PHTF1: variants seen among roughly 807,000 people sequenced by gnomAD.
PHTF1 encodes the protein putative homeodomain transcription factor 1.
PHTF1 carries 88 observed loss-of-function variants against 102.4 expected under a neutral mutation model. The ratio of observed to expected loss-of-function variants is 0.86; its 90% CI spans 0.72 to 1.03. The LOEUF is 1.03. Among genes scored for constraint, PHTF1 ranks in the 50% least tolerant of loss-of-function variants. The pLI, the probability that PHTF1 is intolerant of heterozygous loss-of-function variation, is 0.00. For missense variants in PHTF1, 814 were observed against 909.5 expected (o/e 0.89, Z 1.35); for synonymous variants, 289 against 305.2 (o/e 0.95, Z 0.55).
At chr1:113,698,616 TATATACACACACACACAC>T (rs1429569732) in intron 17 of PHTF1, among the ~76,000 whole-genome samples, 14 of 114,120 alleles carry the variant, frequency 1.2e-4, no homozygotes, top group South Asian at 7.9e-4. Flanking sequence ...TTTATATATA[TATATACACACACACACAC>T]ACACACACAC....
intron 5 of PHTF1, among the ~76,000 whole-genome samples, chr1:113,735,414 T>A (rs1655340028): frequency 1.4e-5 from 2 of 143,412 alleles, no homozygotes; most frequent in African/African-American, 5.2e-5. Flanking sequence ...TACAAAGATG[T>A]TTATGATAAA....
rs781593702 is a variant in PHTF1, at chr1:113,710,315, G to A, written c.1208C>T (p.Ala403Val). The A allele has an allele frequency of 5.6e-6, 9 of 1,613,996 alleles. No homozygotes were observed. The highest frequency in any genetic ancestry group is 7.6e-6 in the Non-Finnish European group (9 of 1,180,004). ...CCCTGAGTGAAGGGTATTCACATGG[G>A]CCCCCTCACTGTCACTGGTGACAGA... ...RSSVTSDSEG[A>V]HVNTLHSGTK... Residue 403 changes from alanine to valine, a missense_variant, in exon 11 of 19, where the codon GCC (alanine) becomes GTC (valine). Ala to Val is a moderately conservative substitution (Grantham distance 64). Coordinates refer to ENST00000369604, the MANE Select transcript of PHTF1 (RefSeq NM_001323043.2).
At chr1:113,737,817 C>T (rs759301604) in intron 5 of PHTF1, among the ~76,000 whole-genome samples, 2 of 152,050 alleles carry the variant, frequency 1.3e-5, no homozygotes, top group African/African-American at 4.8e-5. Context: ...AAACAAAAAA[C>T]ACACATACCC....
At chr1:113,742,529 C>T (rs754711207) in intron 3 of PHTF1, among the ~76,000 whole-genome samples, 1 of 151,934 alleles carries the variant, frequency 6.6e-6, no homozygotes, top group Non-Finnish European at 1.5e-5. Context: ...GAGGCTGAGG[C>T]AGGATCACTT....
At chr1:113,703,701 T>C (rs1212697178) in intron 15 of PHTF1, 1 of 162,908 alleles carries the variant, frequency 6.1e-6, no homozygotes, top group African/African-American at 2.4e-5. Flanking sequence ...AAAATGAGAA[T>C]ACATGATTCC....
intron 17 of PHTF1, among the ~76,000 whole-genome samples, chr1:113,698,607 TTA>T (rs150694931): frequency 0.034 from 4,113 of 122,200 alleles, 128 homozygotes; most frequent in African/African-American, 0.079. Context: ...ATTTGTAGTT[TTA>T]TATATATATA....
chr1:113,715,754 A>G (rs997172658), intron 7 of PHTF1, among the ~76,000 whole-genome samples: 1 of 150,678 alleles, frequency 6.6e-6, no homozygotes, highest in African/African-American at 2.4e-5. Context: ...TAAATTTAAC[A>G]GAGAGAGTGA....
At chr1:113,712,145 G>A in intron 8 of PHTF1, 32 bp from the exon 9 acceptor site, 2 of 1,569,082 alleles carry the variant, frequency 1.3e-6, no homozygotes, top group Non-Finnish European at 1.7e-6. Flanking sequence ...CTTCACAGGG[G>A]ACAGCCCAAA....
At chr1:113,744,742 G>A (rs1386019513) in intron 3 of PHTF1, among the ~76,000 whole-genome samples, 1 of 152,118 alleles carries the variant, frequency 6.6e-6, no homozygotes, top group African/African-American at 2.4e-5. Context: ...CTGACCTCAG[G>A]GCGACCAGCC....
intron 5 of PHTF1, among the ~76,000 whole-genome samples, chr1:113,736,211 G>A (rs566533850): frequency 2.6e-5 from 4 of 151,816 alleles, no homozygotes; most frequent in Admixed American, 1.3e-4. Context: ...GCGTGGTGGC[G>A]GGTGCCTGTA....
intron 3 of PHTF1, among the ~76,000 whole-genome samples, chr1:113,751,566 A>T (rs747500877): frequency 9.2e-5 from 14 of 152,354 alleles, no homozygotes; most frequent in South Asian, 8.3e-4. Flanking sequence ...ATTTCATTGT[A>T]TGACTATAAC....
At chr1:113,750,214 G>A (rs1019453526) in intron 3 of PHTF1, among the ~76,000 whole-genome samples, 9 of 151,690 alleles carry the variant, frequency 5.9e-5, no homozygotes, top group African/African-American at 2.4e-5. Context: ...CCAAACTCCC[G>A]GCCTCGAGCA....
chr1:113,756,604 T>C (rs2101742502), intron 3 of PHTF1, among the ~76,000 whole-genome samples: 1 of 152,282 alleles, frequency 6.6e-6, no homozygotes, highest in South Asian at 2.1e-4. Flanking sequence ...TTCTTTAGGC[T>C]TTTCCACATC....
At chr1:113,709,612 T>C (rs1196507289) in intron 11 of PHTF1, among the ~76,000 whole-genome samples, 1 of 152,228 alleles carries the variant, frequency 6.6e-6, no homozygotes, top group Non-Finnish European at 1.5e-5. Context: ...GATGGAGATA[T>C]AAATAATAAT....
intron 3 of PHTF1, among the ~76,000 whole-genome samples, chr1:113,739,713 G>A (rs1043295515): frequency 2.6e-5 from 4 of 152,106 alleles, no homozygotes; most frequent in Admixed American, 2.0e-4. Flanking sequence ...TTAACCAACC[G>A]TTGGCTATCT....
Position 113,725,924 on chromosome 1 carries a change from C to T in PHTF1, c.488+494G>A, listed in dbSNP as rs868474999. 7 of 156,440 alleles carry T rather than the reference C, an allele frequency of 4.5e-5. No individual in the cohort carries two copies. The Middle Eastern group carries it at 1.7e-3, about 38-fold the overall frequency. 9.7% of individuals were successfully genotyped at this position (156,440 alleles called of 1,614,324 possible). A position where few individuals can be genotyped will look rare whatever the true frequency, so the allele number is the denominator to read the frequency against. The stretch of plus-strand genomic sequence containing the variant: ...TATCGGTTGCAGTGAGCCGAGATTG[C>T]GCCATTGCACTCCAGCCTGGGCAAC... On this transcript the variant is annotated intron_variant, in intron 6 of 18. Transcript: ENST00000369604.
intron 3 of PHTF1, among the ~76,000 whole-genome samples, chr1:113,741,904 C>A (rs1009966990): frequency 6.6e-6 from 1 of 152,070 alleles, no homozygotes; most frequent in Admixed American, 6.5e-5. Flanking sequence ...CTTATGACTA[C>A]TGATCTTATG....
intron 3 of PHTF1, among the ~76,000 whole-genome samples, chr1:113,750,589 T>C (rs1657905127): frequency 6.6e-6 from 1 of 152,150 alleles, no homozygotes; most frequent in South Asian, 2.1e-4. Context: ...CCAGGCGTGG[T>C]GGCTCACGCC....
At chr1:113,737,162 G>A (rs1655625192) in intron 5 of PHTF1, among the ~76,000 whole-genome samples, 1 of 152,214 alleles carries the variant, frequency 6.6e-6, no homozygotes, top group Non-Finnish European at 1.5e-5. Context: ...CATATTACAT[G>A]TGAGAGTTGA....
Sources: allele counts gnomAD v4.1 joint callset (sites outside exome capture counted in the v4.1 genomes callset), GRCh38; gene constraint gnomAD v4.1.1; transcripts MANE v1.5; gene names NCBI Gene and HGNC (gene_info 2026-07-23, HGNC 2026-07-21).